The following PDE7A variants were observed in gnomAD, a reference collection of about 807,000 sequenced individuals.
PDE7A encodes high affinity 3',5'-cyclic-AMP phosphodiesterase 7A.
In PDE7A, 39 loss-of-function variants were observed where a neutral mutation model predicts 64.3. The ratio of observed to expected loss-of-function variants is 0.61; its 90% confidence interval spans 0.47 to 0.79. The LOEUF (loss-of-function observed/expected upper bound fraction) is 0.79, where lower values mean the gene tolerates loss of function less well. Among genes scored for constraint, PDE7A ranks in the 30% least tolerant of loss-of-function variants. The pLI is 0.00. For missense variants in PDE7A, 470 were observed against 582.8 expected, an observed-to-expected ratio of 0.81 and a Z score of 1.99; for synonymous variants, 203 against 206.8, an observed-to-expected ratio of 0.98 and a Z score of 0.16.
intron 1 of PDE7A, among the ~76,000 whole-genome samples, chr8:65,826,071 T>C (rs1810665585): frequency 6.6e-6 from 1 of 152,000 alleles, no homozygotes; most frequent in Non-Finnish European, 1.5e-5. Flanking sequence ...AAACAGCCAA[T>C]GCAAAGACAA....
intron 3 of PDE7A, among the ~76,000 whole-genome samples, chr8:65,769,550 C>T (rs921198538): frequency 2.6e-5 from 4 of 152,154 alleles, no homozygotes; most frequent in Non-Finnish European, 5.9e-5. Flanking sequence ...TGAACTCTCT[C>T]GGCTCTTTAT....
chr8:65,830,033 T>C (rs1810775674), intron 1 of PDE7A, among the ~76,000 whole-genome samples: 1 of 152,076 alleles, frequency 6.6e-6, no homozygotes, highest in African/African-American at 2.4e-5. Flanking sequence ...ACAGCATGTC[T>C]GTTTTCCTTT....
At chr8:65,765,007 T>G (rs1808698014) in intron 3 of PDE7A, among the ~76,000 whole-genome samples, 1 of 152,096 alleles carries the variant, frequency 6.6e-6, no homozygotes, top group African/African-American at 2.4e-5. Context: ...CCATAGTCAA[T>G]TCAATGCAAT....
At chr8:65,794,373 TAC>T (rs1458434808) in intron 1 of PDE7A, among the ~76,000 whole-genome samples, 2 of 151,662 alleles carry the variant, frequency 1.3e-5, no homozygotes, top group Non-Finnish European at 2.9e-5. Flanking sequence ...ACTAAGTGGT[TAC>T]AGTGTTTATC....
chr8:65,769,763 G>A (rs888765636), intron 3 of PDE7A, among the ~76,000 whole-genome samples: 4 of 152,182 alleles, frequency 2.6e-5, no homozygotes, highest in African/African-American at 9.6e-5. Context: ...GGGCATGGTA[G>A]TGATTGCCCG....
At chr8:65,816,750 A>G (rs1810413366) in intron 1 of PDE7A, among the ~76,000 whole-genome samples, 1 of 151,990 alleles carries the variant, frequency 6.6e-6, no homozygotes, top group Admixed American at 6.6e-5. Context: ...TAGTGAGTTG[A>G]TTTTCTCTTG....
chr8:65,841,322 G>C (rs775348834), intron 1 of PDE7A, 49 bp downstream of exon 1: 1 of 1,449,432 alleles, frequency 6.9e-7, no homozygotes, highest in African/African-American at 1.5e-5. Flanking sequence ...TGGGCAGAGG[G>C]AAACAAAAGA....
intron 3 of PDE7A, among the ~76,000 whole-genome samples, chr8:65,749,140 C>T (rs1407884747): frequency 6.6e-6 from 1 of 152,186 alleles, no homozygotes; most frequent in East Asian, 1.9e-4. Context: ...CCAAAGCTCC[C>T]TGTGCATTCA....
intron 1 of PDE7A, among the ~76,000 whole-genome samples, chr8:65,795,930 G>A (rs1809829311): frequency 6.6e-6 from 1 of 151,310 alleles, no homozygotes; most frequent in Non-Finnish European, 1.5e-5. Flanking sequence ...AAGATTTAAA[G>A]GAAAACATGT....
At chr8:65,777,077 C>CTTTTTTT (rs56661178) in intron 3 of PDE7A, among the ~76,000 whole-genome samples, 1 of 90,462 alleles carries the variant, frequency 1.1e-5, no homozygotes, top group African/African-American at 5.4e-5. Context: ...TTATCAAATG[C>CTTTTTTT]TTTTTTTTTT....
At chr8:65,744,127 C>G (rs927159098) in intron 5 of PDE7A, among the ~76,000 whole-genome samples, 2 of 152,140 alleles carry the variant, frequency 1.3e-5, no homozygotes, top group African/African-American at 4.8e-5. Context: ...GCCACCACGC[C>G]CAGCCTAGCT....
chr8:65,723,561 G>T lies in PDE7A; in HGVS notation c.1223C>A (p.Ser408Tyr). The T allele has an allele frequency of 6.3e-7, 1 of 1,581,594 alleles. No homozygotes were observed. Among genetic ancestry groups the T allele is most frequent in the Non-Finnish European group, 8.6e-7 (1 of 1,165,718 alleles). The change falls in exon 12 of 13, where the codon TCT becomes TAT. Residue 408 changes from serine (S) to tyrosine (Y), a missense_variant. Transcript: ENST00000401827. ...GTTACCAATCTGGATGTTGGCAATAGATTCAGTGTGACGATCGCAAAGTGG... is the reference window on the plus strand; with the variant it reads ...GTTACCAATCTGGATGTTGGCAATATATTCAGTGTGACGATCGCAAAGTGG... ...VSPLCDRHTE[S>Y]IANIQIGFMT...
chr8:65,833,628 G>A (rs1810883309), intron 1 of PDE7A, among the ~76,000 whole-genome samples: 1 of 152,128 alleles, frequency 6.6e-6, no homozygotes, highest in Admixed American at 6.5e-5. Context: ...GTAAAAATGA[G>A]AGTAATACTA....
At chr8:65,757,905 C>A (rs1425961981) in intron 3 of PDE7A, among the ~76,000 whole-genome samples, 3 of 152,356 alleles carry the variant, frequency 2.0e-5, no homozygotes, top group East Asian at 3.9e-4. Context: ...GTGTGAGCCA[C>A]CACACCCAGC....
At chr8:65,796,300 G>T (rs566352382) in intron 1 of PDE7A, among the ~76,000 whole-genome samples, 1 of 151,860 alleles carries the variant, frequency 6.6e-6, no homozygotes, top group African/African-American at 2.4e-5. Flanking sequence ...GTCAAAGCAG[G>T]TTAAACGAAC....
chr8:65,757,218 A>G (rs773274310), intron 3 of PDE7A, among the ~76,000 whole-genome samples: 1 of 152,236 alleles, frequency 6.6e-6, no homozygotes. Flanking sequence ...AAAGGAGGGC[A>G]GGAGAAGGTC....
intron 1 of PDE7A, among the ~76,000 whole-genome samples, chr8:65,797,446 C>A (rs528518101): frequency 1.3e-5 from 2 of 152,170 alleles, no homozygotes; most frequent in South Asian, 4.1e-4. Flanking sequence ...TTGCTATCAA[C>A]CACTAAAAAG....
intron 3 of PDE7A, among the ~76,000 whole-genome samples, chr8:65,756,960 T>C (rs746782928): frequency 6.6e-6 from 1 of 152,114 alleles, no homozygotes; most frequent in African/African-American, 2.4e-5. Context: ...AAGGGATGTA[T>C]AGGGCAAGGT....
rs1585964308 is a variant in PDE7A, at chr8:65,841,600, G to A, written c.-92C>T. ...GGGGGCCGCGGCTCGGGGGCTCCGG[G>A]CCGAGACGGGGGCAGGGCGGGCGGG... On this transcript the variant is annotated 5_prime_UTR_variant, in exon 1 of 13. Coordinates refer to ENST00000401827, the MANE Select transcript of PDE7A (RefSeq NM_001242318.3). 1 of 567,896 alleles carries A rather than the reference G, an allele frequency of 1.8e-6. No homozygotes were observed. The highest frequency in any genetic ancestry group is 2.4e-6 in the Non-Finnish European group (1 of 412,516). 35.2% of individuals were successfully genotyped at this position (567,896 alleles called of 1,614,324 possible).
Sources: gnomAD v4.1 joint callset for allele counts (sites outside exome capture counted in the v4.1 genomes callset) on GRCh38, gnomAD v4.1.1 for gene constraint, MANE v1.5 for transcripts, NCBI Gene and HGNC (gene_info 2026-07-23, HGNC 2026-07-21) for gene names.